Variants in CUZD1 observed in about 807,000 individuals in gnomAD.
CUZD1 encodes CUB and zona pellucida like domains 1, also known as CUB and zona pellucida-like domain-containing protein 1.
CUZD1 carries 42 observed loss-of-function variants against 53.1 expected under a neutral mutation model. The ratio of observed to expected loss-of-function variants is 0.79; its 90% CI spans 0.62 to 1.02. The LOEUF (loss-of-function observed/expected upper bound fraction) is 1.02, where lower values mean the gene tolerates loss of function less well. Ranked by LOEUF, CUZD1 falls within the 50% of genes least tolerant of loss-of-function variation. The probability of loss-of-function intolerance (pLI) is 0.00; values close to 1 mark genes in which losing one functional copy is unlikely to be tolerated. For missense variants in CUZD1, 670 were observed against 715.7 expected, an observed-to-expected ratio of 0.94 and a Z score of 0.73; for synonymous variants, 238 against 257.2, an observed-to-expected ratio of 0.93 and a Z score of 0.71.
At chr10:122,838,311 A>C (rs971870559) in intron 3 of CUZD1, among the ~76,000 whole-genome samples, 3 of 152,170 alleles carry the variant, frequency 2.0e-5, no homozygotes, top group Non-Finnish European at 1.5e-5. Flanking sequence ...CAGTGGTTTT[A>C]GCAGGAGAGT....
intron 8 of CUZD1, 138 bp downstream of exon 8, chr10:122,833,534 A>G (rs961157279): frequency 4.7e-6 from 4 of 853,384 alleles, no homozygotes; most frequent in Middle Eastern, 2.4e-4. Context: ...TACTAATCCT[A>G]TATACTTAAA....
Position 122,836,277 on chromosome 10 carries a change from A to G in CUZD1, c.891T>C (p.Asn297=). Reference sequence around the variant, plus strand: ...GGTCTTTTAGTTGCAAGTTATTCCCATTAGAGTTAAAAGCCTCTAGGTAGG... The same window carrying G: ...GGTCTTTTAGTTGCAAGTTATTCCCGTTAGAGTTAAAAGCCTCTAGGTAGG... The part of the protein sequence containing the change: ...SKSYLEAFNS[N]GNNLQLKDPT... Residue 297 remains asparagine (N), a synonymous_variant, in exon 6 of 9, where the codon AAT becomes AAC. Coordinates refer to ENST00000392790, the MANE Select transcript of CUZD1 (RefSeq NM_022034.6). The G allele has an allele frequency of 6.2e-7, 1 of 1,612,410 alleles. No individual in the cohort carries two copies. The highest frequency in any genetic ancestry group is 8.5e-7 in the Non-Finnish European group (1 of 1,179,346).
At position 122,845,724 on chromosome 10, in the gene CUZD1, C is replaced by A. The variant is rs762373576; in HGVS notation, c.82+38G>T. Reference sequence around the variant, plus strand: ...AAGAGGCCTCTTAAGAGAAGAACTTCTCTGTTTTGGTGAATAAATCTGGTT... The same window carrying A: ...AAGAGGCCTCTTAAGAGAAGAACTTATCTGTTTTGGTGAATAAATCTGGTT... On this transcript the variant is annotated intron_variant, in intron 1 of 8. Coordinates refer to ENST00000392790, the MANE Select transcript of CUZD1 (RefSeq NM_022034.6). 3 of 1,588,466 alleles carry A rather than the reference C, an allele frequency of 1.9e-6. No individual in the cohort carries two copies. In the Admixed American group the frequency reaches 5.1e-5, roughly 27 times the overall value.
chr10:122,839,292 A>G (rs1247226344), intron 2 of CUZD1, 61 bp from the exon 3 acceptor site: 1 of 1,426,838 alleles, frequency 7.0e-7, no homozygotes, highest in Non-Finnish European at 9.9e-7. Flanking sequence ...TTTGCAGAGC[A>G]GTCAATTGCT....
At chr10:122,844,412 T>A (rs1455046114) in intron 1 of CUZD1, among the ~76,000 whole-genome samples, 1 of 152,146 alleles carries the variant, frequency 6.6e-6, no homozygotes, top group Non-Finnish European at 1.5e-5. Flanking sequence ...TCTGTGTATA[T>A]ACTAAAAAAC....
At chr10:122,845,705 C>A (rs1189462029) in intron 1 of CUZD1, 57 bp downstream of exon 1, 1 of 1,481,784 alleles carries the variant, frequency 6.7e-7, no homozygotes, top group African/African-American at 1.4e-5. Flanking sequence ...TTGAAAGAGG[C>A]CTCTTAAGAG....
chr10:122,845,833 AC>A lies in CUZD1; in HGVS notation c.10del (p.Val4Ter). ...GAGGGTCAATGGCATGAGCCTTCTTACAAGCTCCATTTTGGCAAGGCGCTGG... is the reference window on the plus strand; with the variant it reads ...GAGGGTCAATGGCATGAGCCTTCTTAAAGCTCCATTTTGGCAAGGCGCTGG... MEL[V>X]RRLMPLTLLI... is the part of the protein sequence containing the mutation. On this transcript the variant is annotated frameshift_variant, in exon 1 of 9. Coordinates refer to ENST00000392790, the MANE Select transcript of CUZD1 (RefSeq NM_022034.6). LOFTEE classifies it high-confidence loss of function. 6.2e-7 allele frequency: 1 copy of A among 1,613,958 alleles called. No homozygotes were observed. Among genetic ancestry groups the A allele is most frequent in the Non-Finnish European group, 8.5e-7 (1 of 1,179,956 alleles).
At chr10:122,839,738 A>G (rs1847307535) in intron 2 of CUZD1, among the ~76,000 whole-genome samples, 1 of 152,186 alleles carries the variant, frequency 6.6e-6, no homozygotes. Context: ...CATGCCCTGC[A>G]CTGGACAGGA....
chr10:122,839,056 T>C lies in CUZD1; in HGVS notation c.409A>G (p.Thr137Ala). 7 of 1,614,072 alleles carry C rather than the reference T, an allele frequency of 4.3e-6. No individual in the cohort carries two copies. Among genetic ancestry groups the C allele is most frequent in the Non-Finnish European group, 5.1e-6 (6 of 1,179,910 alleles). ...AAGAAGTAGTAGAAGACAAAGACAG[T>C]TCTTTGAATTCTTGCTGAGTCAGTA... ...IVTDSARIQR[T>A]VFVFYYFFSP... The change falls in exon 3 of 9, where the codon ACT (threonine) becomes GCT (alanine). Residue 137 changes from threonine (T) to alanine (A), a missense_variant. By Grantham distance (58) the Thr-to-Ala change is moderately conservative. Transcript: ENST00000392790.
At chr10:122,837,187 C>A (rs2133814266) in intron 4 of CUZD1, 139 bp from the exon 5 acceptor site, 1 of 857,090 alleles carries the variant, frequency 1.2e-6, no homozygotes, top group Non-Finnish European at 1.8e-6. Context: ...GAAGACAAAC[C>A]TGGGGTTTTG....
intron 6 of CUZD1, among the ~76,000 whole-genome samples, chr10:122,835,650 T>C (rs1591709866): frequency 1.3e-5 from 2 of 152,336 alleles, no homozygotes; most frequent in Non-Finnish European, 2.9e-5. Context: ...GTGAAAACTT[T>C]ATAGTATGTA....
chr10:122,838,780 T>A (rs983007115), intron 3 of CUZD1, among the ~76,000 whole-genome samples: 2 of 152,202 alleles, frequency 1.3e-5, no homozygotes, highest in Non-Finnish European at 2.9e-5. Context: ...GTCAAGATCA[T>A]GTGCTCCATC....
chr10:122,840,094 C>T (rs1213220134), intron 2 of CUZD1, among the ~76,000 whole-genome samples: 3 of 152,198 alleles, frequency 2.0e-5, no homozygotes, highest in East Asian at 1.9e-4. Context: ...ATTTCTCTTC[C>T]CCTCTCTTCT....
chr10:122,836,210 C>T lies in CUZD1; in HGVS notation c.958G>A (p.Val320Ile), dbSNP rs201994934. ...PKLSNVVEFS[V>I]PLNGCGTIRK... ...ATTGTACCACATCCATTAAGAGGGA[C>T]AGAAAATTCCACAACATTTGATAAT... Residue 320 changes from valine to isoleucine, a missense_variant, in exon 6 of 9, where the codon GTC becomes ATC. Transcript: ENST00000392790. The T allele has an allele frequency of 2.2e-5, 36 of 1,608,858 alleles. No homozygotes were observed. Among genetic ancestry groups the T allele is most frequent in the Middle Eastern group, 3.3e-4 (2 of 6,052 alleles).
At chr10:122,841,491 C>T (rs992696036) in intron 1 of CUZD1, among the ~76,000 whole-genome samples, 163 bp from the exon 2 acceptor site, 6 of 152,132 alleles carry the variant, frequency 3.9e-5, no homozygotes, top group African/African-American at 9.7e-5. Flanking sequence ...TTGATTTCTC[C>T]GTCTTGAACC....
chr10:122,838,930 A>C (rs1847293624), intron 3 of CUZD1, 87 bp downstream of exon 3: 1 of 995,388 alleles, frequency 1.0e-6, no homozygotes, highest in Non-Finnish European at 1.6e-6. Flanking sequence ...ATATACTCAG[A>C]CTGAAGATTA....
chr10:122,836,081 G>A, intron 6 of CUZD1, 97 bp downstream of exon 6: 5 of 1,153,082 alleles, frequency 4.3e-6, no homozygotes, highest in Non-Finnish European at 6.0e-6. Flanking sequence ...AAATTTGGGG[G>A]TCGTTTGTTA....
chr10:122,841,945 G>C (rs1337055198), intron 1 of CUZD1, among the ~76,000 whole-genome samples: 1 of 151,018 alleles, frequency 6.6e-6, no homozygotes, highest in Non-Finnish European at 1.5e-5. Context: ...TCAGTCTTTT[G>C]CCCTTTTTTT....
In CUZD1 at chr10:122,832,240, C is replaced by T. The variant is rs1170818524; in HGVS notation, c.*38G>A. ...ACGAGGTAGCATTTCCTTTGGCATC[C>T]TGGAGAAACATGTCTCACTTAGGGT... On this transcript the variant is annotated 3_prime_UTR_variant, in exon 9 of 9. Coordinates refer to ENST00000392790, the MANE Select transcript of CUZD1 (RefSeq NM_022034.6). The T allele has an allele frequency of 6.2e-7, 1 of 1,602,502 alleles. No homozygotes were observed. The highest frequency in any genetic ancestry group is 2.2e-5 in the East Asian group (1 of 44,710).
Sources: gnomAD v4.1 joint callset for allele counts (sites outside exome capture counted in the v4.1 genomes callset) on GRCh38, gnomAD v4.1.1 for gene constraint, MANE v1.5 for transcripts, NCBI Gene and HGNC (gene_info 2026-07-23, HGNC 2026-07-21) for gene names.